Variants in PCDH15 observed in about 807,000 individuals in gnomAD.
PCDH15 encodes the protein protocadherin-15.
PCDH15 carries 129 observed loss-of-function variants against 178.5 expected under a neutral mutation model. The observed-to-expected ratio is 0.72, with a 90% CI of 0.63 to 0.84. The LOEUF (loss-of-function observed/expected upper bound fraction) is 0.84, where lower values mean the gene tolerates loss of function less well. Ranked by LOEUF, PCDH15 falls within the 40% of genes least tolerant of loss-of-function variation. The probability of loss-of-function intolerance (pLI) is 0.00; values close to 1 mark genes in which losing one functional copy is unlikely to be tolerated. For synonymous variants in PCDH15, 800 were observed against 732.0 expected (o/e 1.09, Z -1.50); for missense variants, 2,230 against 2,099.9 (o/e 1.06, Z -1.21).
intron 2 of PCDH15, among the ~76,000 whole-genome samples, chr10:54,571,993 A>T (rs2089911190): frequency 6.6e-6 from 1 of 152,100 alleles, no homozygotes; most frequent in Non-Finnish European, 1.5e-5. Context: ...ATCATTTCTA[A>T]AACCATATTT....
chr10:54,475,215 T>C (rs973469456), intron 3 of PCDH15, among the ~76,000 whole-genome samples: 2 of 152,012 alleles, frequency 1.3e-5, no homozygotes, highest in South Asian at 2.1e-4. Context: ...TATTTAACAT[T>C]TCAGTAACGA....
chr10:54,651,164 A>G (rs934012876), intron 2 of PCDH15, among the ~76,000 whole-genome samples: 5 of 152,152 alleles, frequency 3.3e-5, no homozygotes, highest in Non-Finnish European at 7.4e-5. Flanking sequence ...GAGAAAGAAA[A>G]GGGCAAAGAG....
At chr10:53,986,205 CCAACAGTACA>C (rs1422611737) in intron 21 of PCDH15, among the ~76,000 whole-genome samples, 1 of 151,958 alleles carries the variant, frequency 6.6e-6, no homozygotes, top group East Asian at 1.9e-4. Context: ...ATACAAATGG[CCAACAGTACA>C]TAAAAATGTG....
intron 10 of PCDH15, among the ~76,000 whole-genome samples, chr10:54,196,377 C>T (rs968522401): frequency 1.3e-5 from 2 of 151,944 alleles, no homozygotes; most frequent in African/African-American, 4.8e-5. Flanking sequence ...CTCCTGACCT[C>T]GTGATCCGCC....
intron 2 of PCDH15, among the ~76,000 whole-genome samples, chr10:54,961,876 C>T (rs190481198): frequency 9.9e-4 from 151 of 151,942 alleles, no homozygotes; most frequent in African/African-American, 3.5e-3. Flanking sequence ...CTACTCACTT[C>T]GGGTCTTCTC....
intron 3 of PCDH15, among the ~76,000 whole-genome samples, chr10:54,507,444 G>T (rs1331022396): frequency 6.6e-6 from 1 of 151,388 alleles, no homozygotes; most frequent in Non-Finnish European, 1.5e-5. Context: ...CTTTATAAAA[G>T]GATGCATTCC....
intron 2 of PCDH15, among the ~76,000 whole-genome samples, chr10:55,032,240 A>G (rs1158503238): frequency 6.6e-6 from 1 of 152,186 alleles, no homozygotes; most frequent in Non-Finnish European, 1.5e-5. Context: ...AGAAAAGGCT[A>G]TCCTGGTTTA....
chr10:55,000,689 G>A lies in PCDH15; in HGVS notation c.-79-103189C>T, dbSNP rs147602060. Among the ~76,000 whole-genome samples, 26 of 152,230 alleles carry A rather than the reference G, an allele frequency of 1.7e-4. No homozygotes were observed. In the East Asian group the frequency reaches 3.5e-3, roughly 20 times the overall value. ...TTCAGAGATTGCAGTAAAGACAGGC[G>A]TAAGAAATTATAAAAGTATTAATTT... On this transcript the variant is annotated intron_variant, in intron 2 of 5. Transcript: ENST00000458638.
chr10:53,995,903 C>T, intron 20 of PCDH15, 138 bp from the exon 21 acceptor site: 2 of 795,892 alleles, frequency 2.5e-6, no homozygotes, highest in Admixed American at 2.0e-5. Flanking sequence ...CCATTACTCT[C>T]ATTTCAGACT....
chr10:53,957,737 T>G, intron 23 of PCDH15, among the ~76,000 whole-genome samples: 1 of 151,974 alleles, frequency 6.6e-6, no homozygotes, highest in East Asian at 1.9e-4. Context: ...CTGTGAAAAA[T>G]GATACTGTGG....
At chr10:55,262,638 G>A (rs1031614497) in intron 1 of PCDH15, among the ~76,000 whole-genome samples, 1 of 152,124 alleles carries the variant, frequency 6.6e-6, no homozygotes, top group Admixed American at 6.5e-5. Context: ...CCCGGCCACT[G>A]AGCAGCCCGA....
At chr10:55,064,966 A>T (rs1014597010) in intron 2 of PCDH15, among the ~76,000 whole-genome samples, 1 of 151,976 alleles carries the variant, frequency 6.6e-6, no homozygotes, top group African/African-American at 2.4e-5. Flanking sequence ...ATGAGATGTT[A>T]TTTTTCTTTA....
In PCDH15 at chr10:53,831,488, C is replaced by T. The variant is rs533989966; in HGVS notation, c.4029G>A (p.Pro1343=). 41 of 1,614,050 alleles carry T rather than the reference C, an allele frequency of 2.5e-5. No homozygotes were observed. Among genetic ancestry groups the T allele is most frequent in the Middle Eastern group, 3.3e-4 (2 of 6,060 alleles). The change falls in exon 30 of 38, where the codon CCG becomes CCA. Residue 1343 remains proline, a synonymous_variant. Transcript: ENST00000644397. ...KLLDINKDFQ[P]YYGEGGRILE... is the part of the protein sequence containing the mutation. The stretch of plus-strand genomic sequence containing the variant: ...GAATGCGTCCTCCTTCCCCATAATA[C>T]GGCTGAAAGTCTTTATTGATATCAA...
At chr10:54,030,143 T>C (rs527877200) in intron 18 of PCDH15, among the ~76,000 whole-genome samples, 16 of 152,072 alleles carry the variant, frequency 1.1e-4, no homozygotes, top group Non-Finnish European at 2.2e-4. Flanking sequence ...TGAACTACCA[T>C]GTAGCACCTA....
At chr10:54,431,311 T>G (rs1956947847) in intron 3 of PCDH15, among the ~76,000 whole-genome samples, 1 of 151,944 alleles carries the variant, frequency 6.6e-6, no homozygotes, top group Non-Finnish European at 1.5e-5. Context: ...AAAAAAACTA[T>G]AGGCCAAAAT....
At chr10:55,032,746 G>C (rs1364382414) in intron 2 of PCDH15, among the ~76,000 whole-genome samples, 1 of 152,178 alleles carries the variant, frequency 6.6e-6, no homozygotes, top group African/African-American at 2.4e-5. Context: ...CAGTGGGAGA[G>C]TGACTCTGAA....
At chr10:54,452,594 G>GTT in intron 3 of PCDH15, 1 of 149,660 alleles carries the variant, frequency 6.7e-6, no homozygotes, top group Non-Finnish European at 1.5e-5. Flanking sequence ...TGGTAAGCCA[G>GTT]TTTTTTTTTT....
chr10:55,541,235 T>A (rs1349044933), intron 2 of PCDH15, among the ~76,000 whole-genome samples: 2 of 152,122 alleles, frequency 1.3e-5, no homozygotes, highest in East Asian at 3.9e-4. Flanking sequence ...GCTGTTCTAA[T>A]CAATAAAGCC....
chr10:53,938,263 T>C (rs1265980523), intron 25 of PCDH15, among the ~76,000 whole-genome samples: 1 of 152,138 alleles, frequency 6.6e-6, no homozygotes, highest in Non-Finnish European at 1.5e-5. Context: ...AATAACCTTT[T>C]TAATTATTAA....
Sources: gnomAD v4.1 joint callset for allele counts (sites outside exome capture counted in the v4.1 genomes callset) on GRCh38, gnomAD v4.1.1 for gene constraint, MANE v1.5 for transcripts, NCBI Gene and HGNC (gene_info 2026-07-23, HGNC 2026-07-21) for gene names.